Variants in GALK2 observed in about 807,000 individuals in gnomAD.
GALK2 encodes the protein galactokinase 2.
GALK2 carries 36 observed loss-of-function variants against 52.4 expected under a neutral mutation model. That is an observed-to-expected ratio of 0.69 (90% CI 0.53 to 0.91). The LOEUF is 0.91. Among genes scored for constraint, GALK2 ranks in the 40% least tolerant of loss-of-function variants. The probability of loss-of-function intolerance (pLI) is 0.00; values close to 1 mark genes in which losing one functional copy is unlikely to be tolerated. For missense variants in GALK2, 579 were observed against 559.1 expected (o/e 1.04, Z -0.36); for synonymous variants, 176 against 199.1 (o/e 0.88, Z 0.98).
At chr15:49,321,703 A>T (rs1300664019) in intron 9 of GALK2, among the ~76,000 whole-genome samples, 4 of 152,230 alleles carry the variant, frequency 2.6e-5, no homozygotes, top group Non-Finnish European at 5.9e-5. Flanking sequence ...AGTTCATTGG[A>T]AAGCCTGGCT....
At chr15:49,200,225 A>G (rs1324278673) in intron 1 of GALK2, among the ~76,000 whole-genome samples, 2 of 152,156 alleles carry the variant, frequency 1.3e-5, no homozygotes, top group Admixed American at 6.5e-5. Context: ...ATCTAGTTCA[A>G]ATTCTCAAAT....
chr15:49,353,967 A>C (rs1444680309), intron 3 of GALK2: 1 of 152,206 alleles, frequency 6.6e-6, no homozygotes, highest in East Asian at 1.9e-4. Context: ...ATGTGTGTTC[A>C]TGTGATGAAG....
At chr15:49,298,255 G>A (rs1276508548) in intron 8 of GALK2, among the ~76,000 whole-genome samples, 1 of 152,068 alleles carries the variant, frequency 6.6e-6, no homozygotes, top group Non-Finnish European at 1.5e-5. Context: ...ACTGATTTTT[G>A]TACATGGATT....
chr15:49,286,788 T>G (rs1023801075), intron 7 of GALK2, among the ~76,000 whole-genome samples: 1 of 152,208 alleles, frequency 6.6e-6, no homozygotes, highest in Admixed American at 6.5e-5. Context: ...AATTAGTGTC[T>G]TATTTGTTTG....
At chr15:49,205,243 C>T (rs2088180505) in intron 2 of GALK2, among the ~76,000 whole-genome samples, 1 of 152,066 alleles carries the variant, frequency 6.6e-6, no homozygotes, top group Admixed American at 6.5e-5. Context: ...GAGTAGATAC[C>T]CATTAGTGGG....
intron 1 of GALK2, among the ~76,000 whole-genome samples, chr15:49,199,536 C>G (rs1412832425): frequency 6.6e-6 from 1 of 152,164 alleles, no homozygotes; most frequent in African/African-American, 2.4e-5. Flanking sequence ...ACACAAGTGA[C>G]CATATTTGTA....
At chr15:49,318,911 G>C (rs1333325329) in intron 8 of GALK2, 1 of 451,504 alleles carries the variant, frequency 2.2e-6, no homozygotes, top group Admixed American at 2.4e-5. Flanking sequence ...ACATCCCTCA[G>C]TGCTGTGATG....
At chr15:49,234,898 C>T (rs1403311163) in intron 3 of GALK2, among the ~76,000 whole-genome samples, 2 of 152,030 alleles carry the variant, frequency 1.3e-5, no homozygotes, top group Non-Finnish European at 2.9e-5. Context: ...TCCTGAGTAG[C>T]TGGGACTACA....
At chr15:49,367,351 T>C (rs993436315) in intron 3 of GALK2, 5 of 1,055,738 alleles carry the variant, frequency 4.7e-6, no homozygotes, top group Admixed American at 2.8e-5. Context: ...TGATAAAACA[T>C]GCATTCAATT....
At chr15:49,348,134 T>C (rs1363434265) in intron 3 of GALK2, among the ~76,000 whole-genome samples, 1 of 152,086 alleles carries the variant, frequency 6.6e-6, no homozygotes. Flanking sequence ...CTGATAAGGC[T>C]GGATAAACAA....
intron 5 of GALK2, among the ~76,000 whole-genome samples, chr15:49,262,399 G>T (rs1191387209): frequency 6.6e-6 from 1 of 152,216 alleles, no homozygotes; most frequent in East Asian, 1.9e-4. Context: ...GTATTTCTGT[G>T]GGATCGGTGG....
At position 49,331,211 on chromosome 15, in the gene GALK2, T is replaced by G. The variant is rs879407505; in HGVS notation, c.*3052T>G. 1.3e-5 allele frequency: 2 copies of G among 152,416 alleles called. No individual in the cohort carries two copies. The highest frequency in any genetic ancestry group is 1.3e-4 in the Admixed American group (2 of 15,286). 9.4% of individuals were successfully genotyped at this position (152,416 alleles called of 1,614,324 possible). On this transcript the variant is annotated 3_prime_UTR_variant, in exon 10 of 10. Transcript: ENST00000560031. The stretch of plus-strand genomic sequence containing the variant: ...TCCAATTGTCCAGCATTCAGACATA[T>G]TGTACACTAGTCTCTACATGTTCTT...
At position 49,215,762 on chromosome 15, in the gene GALK2, G is replaced by A. The variant is rs114341802; in HGVS notation, c.143-1428G>A. 5.6e-3 allele frequency among the ~76,000 whole-genome samples: 859 copies of A among 152,286 alleles called. 6 individuals are homozygous for A. The highest frequency in any genetic ancestry group is 0.02 in the African/African-American group (817 of 41,554). On this transcript the variant is annotated intron_variant, in intron 2 of 9. Transcript: ENST00000560031. Reference sequence around the variant, plus strand: ...TGTCTTCTGTAGTTCATTTAATGAGGTCATGTTTTCCTGGATACTCTTGAT... The same window carrying A: ...TGTCTTCTGTAGTTCATTTAATGAGATCATGTTTTCCTGGATACTCTTGAT...
At chr15:49,326,186 T>A (rs1273441847) in intron 9 of GALK2, among the ~76,000 whole-genome samples, 1 of 152,094 alleles carries the variant, frequency 6.6e-6, no homozygotes, top group Non-Finnish European at 1.5e-5. Flanking sequence ...CCAGAGACAC[T>A]TCAGTGACAC....
At chr15:49,261,727 TTTG>T (rs1409141469) in intron 5 of GALK2, among the ~76,000 whole-genome samples, 3 of 152,056 alleles carry the variant, frequency 2.0e-5, no homozygotes, top group African/African-American at 7.3e-5. Context: ...CTCTTATTAT[TTTG>T]AAATACATCC....
chr15:49,295,336 T>C (rs2034374194), intron 8 of GALK2, among the ~76,000 whole-genome samples: 2 of 149,720 alleles, frequency 1.3e-5, no homozygotes, highest in African/African-American at 2.5e-5. Flanking sequence ...TCTCTATCTA[T>C]ATATATATAT....
rs1284431843 is a variant in GALK2, at chr15:49,359,371, T to A, written c.427-8120T>A. On this transcript the variant is annotated intron_variant, in intron 3 of 3. Coordinates refer to the GALK2 transcript ENST00000558399. ...AAGGGCTAATATCCAGAATCTACAA[T>A]AAACTCAAACAAATTTACAAGAAAA... Among the ~76,000 whole-genome samples, 32 of 118,200 alleles carry A rather than the reference T, an allele frequency of 2.7e-4. 6 individuals carry two copies. The highest frequency in any genetic ancestry group is 1.0e-3 in the African/African-American group (32 of 30,684). 77.5% of individuals were successfully genotyped at this position (118,200 alleles called of 152,430 possible).
At chr15:49,299,764 T>TTTCG (rs1567037573) in intron 8 of GALK2, among the ~76,000 whole-genome samples, 1 of 121,554 alleles carries the variant, frequency 8.2e-6, no homozygotes, top group Non-Finnish European at 1.8e-5. Flanking sequence ...TCTTTCTTTC[T>TTTCG]TTCTTTCTTT....
chr15:49,264,423 G>A (rs1595886081), intron 5 of GALK2, among the ~76,000 whole-genome samples: 1 of 152,146 alleles, frequency 6.6e-6, no homozygotes, highest in East Asian at 1.9e-4. Context: ...AGCTCCATCA[G>A]CTCCTTTAAG....
Sources: allele counts gnomAD v4.1 joint callset (sites outside exome capture counted in the v4.1 genomes callset), GRCh38; gene constraint gnomAD v4.1.1; transcripts MANE v1.5; gene names NCBI Gene and HGNC (gene_info 2026-07-23, HGNC 2026-07-21).